The following MEF2B variants were observed in gnomAD, a reference collection of about 807,000 sequenced individuals.
The protein encoded by MEF2B is myocyte-specific enhancer factor 2B.
A neutral mutation model predicts 32.2 loss-of-function variants in MEF2B; 15 were observed. The ratio of observed to expected loss-of-function variants is 0.47; its 90% CI spans 0.31 to 0.72. MEF2B has a LOEUF of 0.72. MEF2B is among the 30% of genes least tolerant of loss of function. The probability of loss-of-function intolerance (pLI) is 0.05; values close to 1 mark genes in which losing one functional copy is unlikely to be tolerated. For synonymous variants in MEF2B, 205 were observed against 225.6 expected (o/e 0.91, Z 0.82); for missense variants, 441 against 511.5 (o/e 0.86, Z 1.33).
intron 2 of MEF2B, among the ~76,000 whole-genome samples, 161 bp downstream of exon 2, chr19:19,150,521 C>T (rs550361528): frequency 2.3e-5 from 2 of 86,710 alleles, no homozygotes; most frequent in East Asian, 8.7e-4. Flanking sequence ...GAGACTTCAT[C>T]TCAAAAAAAA....
intron 1 of MEF2B, among the ~76,000 whole-genome samples, chr19:19,164,329 A>G (rs895792292): frequency 6.6e-6 from 1 of 152,186 alleles, no homozygotes; most frequent in African/African-American, 2.4e-5. Flanking sequence ...TCCAGCCCAC[A>G]GGCTGCCAGT....
chr19:19,168,210 A>G (rs1019273868), intron 1 of MEF2B, among the ~76,000 whole-genome samples: 1 of 151,316 alleles, frequency 6.6e-6, no homozygotes, highest in Admixed American at 6.6e-5. Context: ...GCCCTTCCCC[A>G]GGGATGATTC....
intron 1 of MEF2B, among the ~76,000 whole-genome samples, chr19:19,152,335 T>C (rs1599724236): frequency 7.0e-6 from 1 of 142,782 alleles, no homozygotes; most frequent in African/African-American, 2.7e-5. Context: ...CTGAGGCAGG[T>C]GTGTCACTGC....
chr19:19,150,905 G>T, intron 1 of MEF2B, 141 bp from the exon 2 acceptor site: 1 of 1,031,384 alleles, frequency 9.7e-7, no homozygotes, highest in Non-Finnish European at 1.4e-6. Context: ...CTGGGTCACT[G>T]TCGCAGACCC....
chr19:19,152,063 T>C (rs992844745), intron 1 of MEF2B, among the ~76,000 whole-genome samples: 1 of 148,222 alleles, frequency 6.7e-6, no homozygotes, highest in Non-Finnish European at 1.5e-5. Flanking sequence ...CAGGTTCAAG[T>C]GATTCTCCTG....
At position 19,146,323 on chromosome 19, in the gene MEF2B, G is replaced by C. The variant is rs900926644; in HGVS notation, c.831C>G (p.Pro277=). The C allele has an allele frequency of 7.6e-7, 1 of 1,321,386 alleles. No homozygotes were observed. Among genetic ancestry groups the C allele is most frequent in the Non-Finnish European group, 9.8e-7 (1 of 1,021,512 alleles). 81.9% of individuals were successfully genotyped at this position (1,321,386 alleles called of 1,614,324 possible). A position where few individuals can be genotyped will look rare whatever the true frequency, so the allele number is the denominator to read the frequency against. Residue 277 remains proline, a synonymous_variant, in exon 8 of 9, where the codon CCC becomes CCG. Coordinates refer to ENST00000424583, the MANE Select transcript of MEF2B (RefSeq NM_001145785.2). ...PGLLQPPTLA[P]WQPSRGDGPP... is the part of the protein sequence containing the mutation. ...GCCCATCACCCCTCGAGGGCTGCCA[G>C]GGGGCCAGGGTGGGGGGCTGCAACA...
intron 1 of MEF2B, among the ~76,000 whole-genome samples, chr19:19,167,828 C>T (rs1001230294): frequency 1.3e-5 from 2 of 152,242 alleles, no homozygotes; most frequent in East Asian, 1.9e-4. Flanking sequence ...AGCTGGGCCT[C>T]GTGACCCCAG....
In MEF2B at chr19:19,167,399, G is replaced by A. The variant is rs529474237; in HGVS notation, c.-30+2806C>T. Among the ~76,000 whole-genome samples the A allele has an allele frequency of 3.2e-3, 478 of 149,872 alleles. 15 individuals are homozygous for A. Among genetic ancestry groups the A allele is most frequent in the Non-Finnish European group, 8.3e-4 (56 of 67,784 alleles). ...TAGCTGGGTGTGCTGGTGTGAGCGC[G>A]TATTCCTAGCTCCTCAGGAGGCTGA... On this transcript the variant is annotated intron_variant, in intron 1 of 8. Coordinates refer to ENST00000424583, the MANE Select transcript of MEF2B (RefSeq NM_001145785.2).
chr19:19,150,812 G>A (rs764315620), intron 1 of MEF2B, 48 bp from the exon 2 acceptor site: 2 of 1,606,832 alleles, frequency 1.2e-6, no homozygotes, highest in African/African-American at 1.3e-5. Context: ...GGAGAGTGGG[G>A]AGGGGTACCC....
At chr19:19,158,343 G>C (rs62135492) in intron 1 of MEF2B, among the ~76,000 whole-genome samples, 2 of 18 alleles carry the variant, frequency 0.11, 1 homozygote, top group Admixed American at 0.5. Context: ...CCACCTCAGG[G>C]GCCAAAGTGC....
chr19:19,162,192 C>T (rs1028179660), intron 1 of MEF2B, among the ~76,000 whole-genome samples: 19 of 152,130 alleles, frequency 1.2e-4, no homozygotes, highest in Non-Finnish European at 2.8e-4. Flanking sequence ...CATCATAGCT[C>T]ACTGCAGCCT....
chr19:19,151,131 T>C (rs1002804378), intron 1 of MEF2B, among the ~76,000 whole-genome samples: 6 of 152,162 alleles, frequency 3.9e-5, no homozygotes, highest in African/African-American at 1.4e-4. Flanking sequence ...CACACGTCTA[T>C]AGTCCCAGGT....
chr19:19,146,439 A>G (rs2146349957), intron 7 of MEF2B, 55 bp from the exon 8 acceptor site: 1 of 1,247,906 alleles, frequency 8.0e-7, no homozygotes. Flanking sequence ...GCCTTCTGCA[A>G]ACCTAACCAC....
At chr19:19,159,097 C>T (rs1013114332) in intron 1 of MEF2B, among the ~76,000 whole-genome samples, 1 of 151,640 alleles carries the variant, frequency 6.6e-6, no homozygotes, top group Non-Finnish European at 1.5e-5. Flanking sequence ...CACACCACTA[C>T]ACCCAGCTAA....
chr19:19,148,405 C>T (rs1044095233), intron 3 of MEF2B, among the ~76,000 whole-genome samples: 3 of 152,236 alleles, frequency 2.0e-5, no homozygotes, highest in Non-Finnish European at 2.9e-5. Flanking sequence ...GCGGAGGTTG[C>T]GGTGAGCTGA....
chr19:19,166,709 T>C (rs1458568852), intron 1 of MEF2B, among the ~76,000 whole-genome samples: 2 of 151,038 alleles, frequency 1.3e-5, no homozygotes, highest in Non-Finnish European at 2.9e-5. Flanking sequence ...CAGGGAGCCA[T>C]GACTGCAACA....
At chr19:19,161,015 C>A (rs549576990) in intron 1 of MEF2B, among the ~76,000 whole-genome samples, 1 of 152,130 alleles carries the variant, frequency 6.6e-6, no homozygotes, top group South Asian at 2.1e-4. Context: ...TCAGGGGAGA[C>A]GGTGGGCTCG....
chr19:19,151,711 C>T (rs887432143), intron 1 of MEF2B, among the ~76,000 whole-genome samples: 1 of 152,180 alleles, frequency 6.6e-6, no homozygotes, highest in Non-Finnish European at 1.5e-5. Context: ...TCCCTCTGAC[C>T]CTCAGGGCAG....
intron 2 of MEF2B, among the ~76,000 whole-genome samples, chr19:19,150,200 G>C (rs1471781792): frequency 7.0e-6 from 1 of 142,692 alleles, no homozygotes. Flanking sequence ...AGGAAGGAAG[G>C]AAGGAAGGAG....
Sources: allele counts gnomAD v4.1 joint callset (sites outside exome capture counted in the v4.1 genomes callset), GRCh38; gene constraint gnomAD v4.1.1; transcripts MANE v1.5; gene names NCBI Gene and HGNC (gene_info 2026-07-23, HGNC 2026-07-21).